FHIT: variants seen among roughly 807,000 people sequenced by gnomAD.
FHIT encodes bis(5'-adenosyl)-triphosphatase.
Under a neutral mutation model 17.9 loss-of-function variants are expected in FHIT, and 19 were observed. That is an observed-to-expected ratio of 1.06 (90% CI 0.74 to 1.56). The LOEUF (loss-of-function observed/expected upper bound fraction) is 1.56, where lower values mean the gene tolerates loss of function less well. Ranked by LOEUF, FHIT falls within the 40% of genes most tolerant of loss-of-function variation. FHIT has a pLI of 0.00. For synonymous variants in FHIT, 81 were observed against 69.7 expected (o/e 1.16, Z -0.81); for missense variants, 248 against 189.2 (o/e 1.31, Z -1.82).
intron 5 of FHIT, among the ~76,000 whole-genome samples, chr3:60,146,662 C>G (rs12632865): frequency 6.6e-6 from 1 of 151,814 alleles, no homozygotes; most frequent in Non-Finnish European, 1.5e-5. Context: ...GCAGGACTCG[C>G]CTGAAATGGG....
At chr3:60,140,924 T>C (rs1242371807) in intron 5 of FHIT, among the ~76,000 whole-genome samples, 2 of 152,104 alleles carry the variant, frequency 1.3e-5, no homozygotes, top group Non-Finnish European at 2.9e-5. Flanking sequence ...GGATCTAGGG[T>C]GTCAAAGCTG....
At chr3:61,164,785 T>C (rs976658994) in intron 2 of FHIT, among the ~76,000 whole-genome samples, 4 of 152,198 alleles carry the variant, frequency 2.6e-5, no homozygotes, top group Non-Finnish European at 5.9e-5. Context: ...TTTTCAACCC[T>C]TGCTTCCCTC....
intron 5 of FHIT, among the ~76,000 whole-genome samples, chr3:60,383,049 C>T (rs1700871050): frequency 6.6e-6 from 1 of 152,154 alleles, no homozygotes. Context: ...ACTTAGTAGG[C>T]AGATTAGCCA....
intron 1 of FHIT, among the ~76,000 whole-genome samples, chr3:61,221,597 G>C (rs1460940110): frequency 6.6e-6 from 1 of 152,162 alleles, no homozygotes; most frequent in African/African-American, 2.4e-5. Flanking sequence ...TTATAAAGTT[G>C]TGCTACCAAG....
At chr3:60,558,439 T>A (rs774221674) in intron 4 of FHIT, among the ~76,000 whole-genome samples, 8 of 151,354 alleles carry the variant, frequency 5.3e-5, no homozygotes, top group South Asian at 2.1e-4. Context: ...TGAGGCAGAG[T>A]CATATAGGGA....
chr3:60,499,866 C>A (rs996009141), intron 5 of FHIT, among the ~76,000 whole-genome samples: 1 of 151,794 alleles, frequency 6.6e-6, no homozygotes, highest in East Asian at 1.9e-4. Flanking sequence ...CTCAAGCAGT[C>A]CCTCACTCTC....
At chr3:60,508,318 A>G (rs1437108417) in intron 5 of FHIT, among the ~76,000 whole-genome samples, 2 of 152,220 alleles carry the variant, frequency 1.3e-5, no homozygotes, top group East Asian at 1.9e-4. Flanking sequence ...ATCTTACAAT[A>G]AAGAAGGAAT....
rs367796489 is a variant in FHIT at position 60,147,967 on chromosome 3, T to G, written c.104-133815A>C. Among the ~76,000 whole-genome samples, 111 of 152,324 alleles carry G rather than the reference T, an allele frequency of 7.3e-4. 3 individuals carry two copies. The South Asian group carries it at 0.022, about 30-fold the overall frequency. On this transcript the variant is annotated intron_variant, in intron 5 of 9. Coordinates refer to ENST00000492590, the MANE Select transcript of FHIT (RefSeq NM_002012.4). ...GATGAAATCAATTATCACTAAGTTA[T>G]TTTCACTGGTGAAGGGGTTTCCTCA...
intron 8 of FHIT, among the ~76,000 whole-genome samples, chr3:59,798,222 G>T (rs1315726116): frequency 6.6e-6 from 1 of 152,114 alleles, no homozygotes; most frequent in Non-Finnish European, 1.5e-5. Flanking sequence ...TAAAGCAGAA[G>T]GGGTTGCACC....
chr3:60,959,141 G>C (rs1192660717), intron 3 of FHIT, among the ~76,000 whole-genome samples: 1 of 152,138 alleles, frequency 6.6e-6, no homozygotes, highest in African/African-American at 2.4e-5. Flanking sequence ...ATTATTTAAA[G>C]GCTTTATAAA....
chr3:60,793,807 G>T (rs1203990457), intron 4 of FHIT, among the ~76,000 whole-genome samples: 3 of 152,146 alleles, frequency 2.0e-5, no homozygotes, highest in African/African-American at 7.2e-5. Flanking sequence ...CATCCTGGGG[G>T]TTCCTAAACT....
intron 3 of FHIT, among the ~76,000 whole-genome samples, chr3:60,971,769 A>C (rs1710028698): frequency 6.6e-6 from 1 of 152,146 alleles, no homozygotes; most frequent in Admixed American, 6.6e-5. Flanking sequence ...ATAAATATTC[A>C]GGGCCTGGAT....
intron 4 of FHIT, among the ~76,000 whole-genome samples, chr3:60,587,199 C>T (rs1179827150): frequency 6.6e-6 from 1 of 151,908 alleles, no homozygotes; most frequent in South Asian, 2.1e-4. Flanking sequence ...ATGTCATTTG[C>T]AGGGACGTGG....
intron 2 of FHIT, among the ~76,000 whole-genome samples, chr3:61,063,261 A>C: frequency 6.6e-6 from 1 of 151,432 alleles, no homozygotes; most frequent in East Asian, 1.9e-4. Flanking sequence ...GTCTCAAAAA[A>C]AAAAAAGATT....
chr3:60,879,954 T>TTA (rs1553757526), intron 3 of FHIT, among the ~76,000 whole-genome samples: 12 of 148,414 alleles, frequency 8.1e-5, no homozygotes, highest in African/African-American at 2.0e-4. Context: ...AAAGATGTAT[T>TTA]AAAAAAAAAA....
In FHIT at chr3:60,699,369, C is replaced by T. The variant is rs57966493; in HGVS notation, c.-18+122550G>A. On this transcript the variant is annotated intron_variant, in intron 4 of 9. Transcript: ENST00000492590. Reference sequence around the variant, plus strand: ...TTACTAAGCAAGGTAGGTAGATTTCCCTCTACTGTATAATACTGAGAAATA... The same window carrying T: ...TTACTAAGCAAGGTAGGTAGATTTCTCTCTACTGTATAATACTGAGAAATA... Among the ~76,000 whole-genome samples, 271 of 152,172 alleles carry T rather than the reference C, an allele frequency of 1.8e-3. 2 individuals carry two copies. Among genetic ancestry groups the T allele is most frequent in the African/African-American group, 6.4e-3 (264 of 41,526 alleles).
At chr3:59,986,538 T>TACACACACAC (rs1427707266) in intron 7 of FHIT, among the ~76,000 whole-genome samples, 21 of 11,378 alleles carry the variant, frequency 1.8e-3, no homozygotes, top group African/African-American at 9.2e-3. Context: ...TATATATATA[T>TACACACACAC]ATACACACAC....
At chr3:60,269,208 A>G (rs1423424258) in intron 5 of FHIT, among the ~76,000 whole-genome samples, 8 of 152,242 alleles carry the variant, frequency 5.3e-5, no homozygotes, top group African/African-American at 1.9e-4. Flanking sequence ...AAAGTAAAAA[A>G]TAAGAACTAA....
At chr3:60,013,927 G>A (rs1700236301) in intron 6 of FHIT, 80 bp downstream of exon 6, 1 of 1,390,022 alleles carries the variant, frequency 7.2e-7, no homozygotes, top group African/African-American at 1.4e-5. Context: ...TGCCCTCCTG[G>A]TAAGATATCA....
Sources: gnomAD v4.1 joint callset for allele counts (sites outside exome capture counted in the v4.1 genomes callset) on GRCh38, gnomAD v4.1.1 for gene constraint, MANE v1.5 for transcripts, NCBI Gene and HGNC (gene_info 2026-07-23, HGNC 2026-07-21) for gene names.